The following RCBTB2 variants were observed in gnomAD, a reference collection of about 807,000 sequenced individuals.
The protein encoded by RCBTB2 is RCC1 and BTB domain-containing protein 2.
Under a neutral mutation model 65.4 loss-of-function variants are expected in RCBTB2, and 55 were observed. The observed-to-expected ratio is 0.84, with a 90% CI of 0.68 to 1.05. The LOEUF (loss-of-function observed/expected upper bound fraction) is 1.05, where lower values mean the gene tolerates loss of function less well. RCBTB2 is among the 50% of genes least tolerant of loss of function. The pLI, the probability that RCBTB2 is intolerant of heterozygous loss-of-function variation, is 0.00. For missense variants in RCBTB2, 599 were observed against 680.1 expected, an observed-to-expected ratio of 0.88 and a Z score of 1.33; for synonymous variants, 220 against 255.2, an observed-to-expected ratio of 0.86 and a Z score of 1.31.
chr13:48,502,582 A>G (rs929387636), intron 11 of RCBTB2, 142 bp downstream of exon 11: 1 of 780,764 alleles, frequency 1.3e-6, no homozygotes, highest in African/African-American at 1.8e-5. Flanking sequence ...AAGAAAATAA[A>G]ATTAGTTCCC....
chr13:48,493,313 A>T (rs2406934), intron 14 of RCBTB2, among the ~76,000 whole-genome samples: 18,087 of 58,546 alleles, frequency 0.31, 1,635 homozygotes, highest in East Asian at 0.41. Flanking sequence ...ACACACACAC[A>T]CACTCTCTCT....
intron 9 of RCBTB2, 27 bp downstream of exon 9, chr13:48,511,743 A>T: frequency 6.3e-7 from 1 of 1,575,298 alleles, no homozygotes; most frequent in Non-Finnish European, 8.7e-7. Context: ...TTAAAAATAC[A>T]CGCACACAAA....
intron 1 of RCBTB2, among the ~76,000 whole-genome samples, chr13:48,530,756 A>G (rs1246703769): frequency 6.6e-6 from 1 of 152,262 alleles, no homozygotes; most frequent in East Asian, 1.9e-4. Flanking sequence ...GTAAAAGTCC[A>G]GTGTCTTCAT....
intron 4 of RCBTB2, among the ~76,000 whole-genome samples, chr13:48,516,492 G>A (rs1425482595): frequency 2.0e-5 from 3 of 152,186 alleles, no homozygotes; most frequent in African/African-American, 7.2e-5. Context: ...TTCTCAGCTT[G>A]TGGATGGCTG....
At chr13:48,506,557 A>C (rs994357204) in intron 10 of RCBTB2, among the ~76,000 whole-genome samples, 1 of 152,144 alleles carries the variant, frequency 6.6e-6, no homozygotes, top group Non-Finnish European at 1.5e-5. Context: ...CCAGGGGATG[A>C]GTCTAAGAAA....
chr13:48,527,998 T>C (rs1951899324), intron 1 of RCBTB2, among the ~76,000 whole-genome samples: 1 of 152,228 alleles, frequency 6.6e-6, no homozygotes, highest in African/African-American at 2.4e-5. Flanking sequence ...CAATGTGTTA[T>C]ATTACTCGGT....
intron 1 of RCBTB2, among the ~76,000 whole-genome samples, chr13:48,529,743 G>A (rs913249095): frequency 1.3e-5 from 2 of 152,122 alleles, no homozygotes; most frequent in African/African-American, 4.8e-5. Context: ...TCCCTTACCA[G>A]GAGGCAAGCC....
intron 9 of RCBTB2, 27 bp downstream of exon 9, chr13:48,511,743 A>G: frequency 6.3e-7 from 1 of 1,575,298 alleles, no homozygotes; most frequent in Non-Finnish European, 8.7e-7. Flanking sequence ...TTAAAAATAC[A>G]CGCACACAAA....
At position 48,504,500 on chromosome 13, in the gene RCBTB2, G is replaced by A. The variant is rs9332037; in HGVS notation, c.927-1586C>T. 1,497 of 235,228 alleles carry A rather than the reference G, an allele frequency of 6.4e-3. 11 individuals carry two copies. Among genetic ancestry groups the A allele is most frequent in the Non-Finnish European group, 8.4e-3 (1,215 of 144,158 alleles). The allele number at this position is 235,228 out of a possible 1,614,324, so 14.6% of individuals were successfully genotyped here. On this transcript the variant is annotated intron_variant, in intron 10 of 14. Transcript: ENST00000344532. The stretch of plus-strand genomic sequence containing the variant: ...AACCCTACCCATCTTGTAAGGCCCA[G>A]TTCAAACTGCCCCAAGTTTGAGGTC...
intron 14 of RCBTB2, 35 bp downstream of exon 14, chr13:48,496,156 C>CAGG (rs1949957734): frequency 3.5e-6 from 5 of 1,415,924 alleles, no homozygotes; most frequent in Non-Finnish European, 3.7e-6. Context: ...TCCATTTCTC[C>CAGG]AGGAGGCCGG....
intron 10 of RCBTB2, among the ~76,000 whole-genome samples, chr13:48,509,203 T>C (rs1950655207): frequency 6.6e-6 from 1 of 152,150 alleles, no homozygotes; most frequent in South Asian, 2.1e-4. Context: ...GGCATGCTCC[T>C]GTAGTCCCAG....
In RCBTB2 at chr13:48,533,048, T is replaced by G; in HGVS notation, c.-239A>C. ...CTTACCTCCTCGCAGGCCGGAGCCT[T>G]GTCCGCTCCGCCTCCTGGGTAGCGG... On this transcript the variant is annotated 5_prime_UTR_variant, in exon 1 of 15. Coordinates refer to ENST00000344532, the MANE Select transcript of RCBTB2 (RefSeq NM_001268.4). 1 of 454,640 alleles carries G rather than the reference T, an allele frequency of 2.2e-6. No homozygotes were observed. Among genetic ancestry groups the G allele is most frequent in the South Asian group, 1.5e-5 (1 of 64,534 alleles). The allele number at this position is 454,640 out of a possible 1,614,324, so 28.2% of individuals were successfully genotyped here.
At chr13:48,513,665 T>C (rs1950928259) in intron 6 of RCBTB2, among the ~76,000 whole-genome samples, 1 of 152,260 alleles carries the variant, frequency 6.6e-6, no homozygotes, top group South Asian at 2.1e-4. Context: ...TTCATTTGGA[T>C]CTTTTCAAAT....
At chr13:48,527,361 T>TTATATATTATA (rs1212014452) in intron 1 of RCBTB2, among the ~76,000 whole-genome samples, 1 of 112,446 alleles carries the variant, frequency 8.9e-6, no homozygotes, top group African/African-American at 5.5e-5. Context: ...TGATATATAT[T>TTATATATTATA]TATATATGAT....
intron 4 of RCBTB2, among the ~76,000 whole-genome samples, chr13:48,518,582 A>T (rs1032350111): frequency 2.0e-5 from 3 of 150,858 alleles, no homozygotes; most frequent in African/African-American, 7.3e-5. Context: ...AAAATCTCAC[A>T]TATGTAAGAA....
chr13:48,508,645 C>A (rs1441446088), intron 10 of RCBTB2, among the ~76,000 whole-genome samples: 1 of 152,178 alleles, frequency 6.6e-6, no homozygotes, highest in Non-Finnish European at 1.5e-5. Context: ...CTCAGGTGAT[C>A]CGCCCGCCTT....
chr13:48,495,787 TG>T (rs1466647051), intron 14 of RCBTB2, among the ~76,000 whole-genome samples: 1 of 152,254 alleles, frequency 6.6e-6, no homozygotes, highest in Non-Finnish European at 1.5e-5. Context: ...TTATGTTTTT[TG>T]TCTATTTATA....
At chr13:48,533,705 A>G (rs73486829), upstream of RCBTB2, among the ~76,000 whole-genome samples, 660 of 152,314 alleles carry the variant, frequency 4.3e-3, 3 homozygotes, top group African/African-American at 0.015. Flanking sequence ...GCAGTAATTT[A>G]TTATATTACA....
chr13:48,515,166 C>T (rs757005081), intron 6 of RCBTB2, 39 bp downstream of exon 6: 16 of 1,586,702 alleles, frequency 1.0e-5, no homozygotes, highest in Admixed American at 1.8e-5. Flanking sequence ...AGGGCAGCTG[C>T]GAATAAAGCT....
Sources: gnomAD v4.1 joint callset for allele counts (sites outside exome capture counted in the v4.1 genomes callset) on GRCh38, gnomAD v4.1.1 for gene constraint, MANE v1.5 for transcripts, NCBI Gene and HGNC (gene_info 2026-07-23, HGNC 2026-07-21) for gene names.